Variants in KRT9 observed in about 807,000 individuals in gnomAD.
KRT9 encodes the protein keratin 9, also known as keratin, type I cytoskeletal 9.
In KRT9, 34 loss-of-function variants were observed where a neutral mutation model predicts 51.4. That is an observed-to-expected ratio of 0.66 (90% CI 0.50 to 0.88). The LOEUF is 0.88. Ranked by LOEUF, KRT9 falls within the 40% of genes least tolerant of loss-of-function variation. The pLI, the probability that KRT9 is intolerant of heterozygous loss-of-function variation, is 0.00. For missense variants in KRT9, 753 were observed against 790.3 expected (o/e 0.95, Z 0.57); for synonymous variants, 292 against 289.7 (o/e 1.01, Z -0.08).
Position 41,567,252 on chromosome 17 carries a change from A to T in KRT9, c.*21T>A. Reference sequence around the variant, plus strand: ...CCTTACCTTTTGTCTCATCTTGGTCACCAGATTTTGAGGAAGAAGACTAGG... The same window carrying T: ...CCTTACCTTTTGTCTCATCTTGGTCTCCAGATTTTGAGGAAGAAGACTAGG... On this transcript the variant is annotated 3_prime_UTR_variant, in exon 7 of 8. Coordinates refer to ENST00000246662, the MANE Select transcript of KRT9 (RefSeq NM_000226.4). The T allele has an allele frequency of 1.2e-6, 2 of 1,613,502 alleles. No individual in the cohort carries two copies. The highest frequency in any genetic ancestry group is 1.7e-6 in the Non-Finnish European group (2 of 1,179,972).
Position 41,571,335 on chromosome 17 carries a change from A to G in KRT9, c.642+16T>C. On this transcript the variant is annotated intron_variant, in intron 1 of 7. Transcript: ENST00000246662. ...AAGAGAAAGAGACCAAGACAGAGAC[A>G]GTTTCCTGCACCTACCTGGTCCTTG... 1.2e-6 allele frequency: 2 copies of G among 1,604,750 alleles called. No individual in the cohort carries two copies. Among genetic ancestry groups the G allele is most frequent in the Non-Finnish European group, 1.7e-6 (2 of 1,171,430 alleles).
intron 4 of KRT9, 130 bp downstream of exon 4, chr17:41,569,296 T>G: frequency 1.1e-6 from 1 of 942,886 alleles, no homozygotes; most frequent in Non-Finnish European, 1.7e-6. Flanking sequence ...TGACTTCCAT[T>G]GGAAGATGGA....
chr17:41,571,911 T>TGCTGCCCCC lies in KRT9; in HGVS notation c.73_81dup (p.Gly25_Ser27dup). 6.3e-7 allele frequency: 1 copy of TGCTGCCCCC among 1,598,946 alleles called. No individual in the cohort carries two copies. Among genetic ancestry groups the TGCTGCCCCC allele is most frequent in the Non-Finnish European group, 8.5e-7 (1 of 1,173,286 alleles). On this transcript the variant is annotated inframe_insertion, in exon 1 of 8. Transcript: ENST00000246662. ...CTGAAGCGGCTGTAGGAAGACCTTA[T>TGCTGCCCCC]GCTGCCCCCGCTGCCCAGGCCGCCC... is the stretch of plus-strand genomic sequence containing the variant.
In KRT9 at chr17:41,568,401, A is replaced by C; in HGVS notation, c.1171-16T>G. The C allele has an allele frequency of 6.2e-7, 1 of 1,614,034 alleles. No homozygotes were observed. On this transcript the variant is annotated splice_polypyrimidine_tract_variant and intron_variant, in intron 5 of 7. Transcript: ENST00000246662. ...GAGCTGCTTTCTAAGGGTTAGGAGA[A>C]GGCTTTAAGAGGGATGCTACATCAT...
In KRT9 at chr17:41,569,594, G is replaced by A. The variant is rs372217282; in HGVS notation, c.883-7C>T. 2 of 1,613,258 alleles carry A rather than the reference G, an allele frequency of 1.2e-6. No homozygotes were observed. ...CAGTCAGCTGACTCATCTCCTGCCA[G>A]GGAAGAAGGGGAGATGAGGTCACGG... On this transcript the variant is annotated splice_polypyrimidine_tract_variant and splice_region_variant and intron_variant, in intron 3 of 7. Coordinates refer to ENST00000246662, the MANE Select transcript of KRT9 (RefSeq NM_000226.4).
chr17:41,566,745 A>G (rs2144566508), intron 7 of KRT9, among the ~76,000 whole-genome samples: 1 of 152,340 alleles, frequency 6.6e-6, no homozygotes, highest in East Asian at 1.9e-4. Context: ...TGCATCATGT[A>G]ATACTTGTGC....
Position 41,568,650 on chromosome 17 carries a change from T to G in KRT9, c.1045-17A>C. 6.2e-7 allele frequency: 1 copy of G among 1,613,996 alleles called. No individual in the cohort carries two copies. The highest frequency in any genetic ancestry group is 8.5e-7 in the Non-Finnish European group (1 of 1,179,994). On this transcript the variant is annotated splice_polypyrimidine_tract_variant and intron_variant, in intron 4 of 7. Coordinates refer to ENST00000246662, the MANE Select transcript of KRT9 (RefSeq NM_000226.4). The stretch of plus-strand genomic sequence containing the variant: ...CTGGGTTATCTGCAAAACCAAAGGC[T>G]CAGTAAGCATCAGGCTGTGCCAGGA...
chr17:41,570,484 G>T (rs558595187), intron 1 of KRT9, among the ~76,000 whole-genome samples: 1 of 152,200 alleles, frequency 6.6e-6, no homozygotes, highest in African/African-American at 2.4e-5. Flanking sequence ...CTGACATCCT[G>T]TTCCTCAGGG....
At position 41,570,178 on chromosome 17, in the gene KRT9, T is replaced by G; in HGVS notation, c.685A>C (p.Ile229Leu). The G allele has an allele frequency of 6.2e-7, 1 of 1,614,050 alleles. No homozygotes were observed. Among genetic ancestry groups the G allele is most frequent in the Non-Finnish European group, 8.5e-7 (1 of 1,179,996 alleles). The change falls in exon 2 of 8, where the codon ATT becomes CTT. Residue 229 changes from isoleucine (I) to leucine (L), a missense_variant. Around this residue, in one of 3 missense-constraint regions of KRT9, gnomAD observed 507 missense variants for 563.7 expected, o/e 0.90. Transcript: ENST00000246662. ...TCCAGTGTCATGCGAGTGTTGTCAA[T>G]GTCCAGGAGAGTTTTGTTGTTGCCC... ...TVGNNKTLLD[I>L]DNTRMTLDDF... is the part of the protein sequence containing the mutation.
At chr17:41,571,006 A>C (rs887131602) in intron 1 of KRT9, among the ~76,000 whole-genome samples, 2 of 152,248 alleles carry the variant, frequency 1.3e-5, no homozygotes, top group African/African-American at 4.8e-5. Flanking sequence ...ACTCCTAAAG[A>C]AGCCCAGGAG....
At chr17:41,571,207 A>G in intron 1 of KRT9, 144 bp downstream of exon 1, 1 of 839,174 alleles carries the variant, frequency 1.2e-6, no homozygotes, top group Non-Finnish European at 2.0e-6. Flanking sequence ...ACCAAACACA[A>G]GTTTGTTTCT....
intron 3 of KRT9, 26 bp from the exon 4 acceptor site, chr17:41,569,613 GT>G (rs755169691): frequency 6.2e-7 from 1 of 1,612,604 alleles, no homozygotes; most frequent in Non-Finnish European, 8.5e-7. Flanking sequence ...GGGAGATGAG[GT>G]CACGGATAAA....
In KRT9 at chr17:41,569,500, T is replaced by C; in HGVS notation, c.970A>G (p.Asn324Asp). The C allele has an allele frequency of 6.2e-7, 1 of 1,614,180 alleles. No homozygotes were observed. The highest frequency in any genetic ancestry group is 8.5e-7 in the Non-Finnish European group (1 of 1,180,018). The change falls in exon 4 of 8, where the codon AAT (asparagine) becomes GAT (aspartate). Residue 324 changes from asparagine (N) to aspartate (D), a missense_variant. Around this residue, in one of 3 missense-constraint regions of KRT9, gnomAD observed 507 missense variants for 563.7 expected, o/e 0.90. Transcript: ENST00000246662. The part of the protein sequence containing the change: ...APGKDLTKTL[N>D]DMRQEYEQLI... ...TGCTCATACTCCTGACGCATGTCATTGAGGGTCTTGGTGAGATCTTTGCCA... is the reference window on the plus strand; with the variant it reads ...TGCTCATACTCCTGACGCATGTCATCGAGGGTCTTGGTGAGATCTTTGCCA...
chr17:41,567,804 A>T, intron 6 of KRT9, 54 bp from the exon 7 acceptor site: 1 of 1,611,102 alleles, frequency 6.2e-7, no homozygotes, highest in Non-Finnish European at 8.5e-7. Context: ...ATACACATAT[A>T]TGAGGATGGA....
At chr17:41,567,841 G>A in intron 6 of KRT9, 91 bp from the exon 7 acceptor site, 1 of 1,585,316 alleles carries the variant, frequency 6.3e-7, no homozygotes, top group Admixed American at 1.7e-5. Flanking sequence ...ACCCAAACAT[G>A]AATCTTTCTG....
chr17:41,569,350 G>T, intron 4 of KRT9, 76 bp downstream of exon 4: 1 of 1,405,636 alleles, frequency 7.1e-7, no homozygotes, highest in Non-Finnish European at 9.9e-7. Flanking sequence ...GGAGGATGAA[G>T]GAATGGGAGG....
chr17:41,569,705 C>A, intron 3 of KRT9, 118 bp from the exon 4 acceptor site: 1 of 1,479,658 alleles, frequency 6.8e-7, no homozygotes, highest in Non-Finnish European at 9.4e-7. Context: ...AGCCAAAGCC[C>A]AACCACTACC....
intron 7 of KRT9, among the ~76,000 whole-genome samples, 183 bp from the exon 8 acceptor site, chr17:41,566,335 G>C (rs1478155470): frequency 6.6e-6 from 1 of 152,184 alleles, no homozygotes; most frequent in Non-Finnish European, 1.5e-5. Context: ...TCTAATTCCT[G>C]AATCTCTGTT....
In KRT9 at chr17:41,569,875, T is replaced by A; in HGVS notation, c.866A>T (p.Lys289Met). Residue 289 changes from lysine (K) to methionine (M), a missense_variant, in exon 3 of 8, where the codon AAG becomes ATG. By Grantham distance (95) the Lys-to-Met change is moderately conservative. Transcript: ENST00000246662. ...ETLQEELMAL[K>M]KNHKEEMSQL... ...GCAACCTACCTCCTTATGATTCTTCTTGAGGGCCATCAGCTCCTCCTGCAG... is the reference window on the plus strand; with the variant it reads ...GCAACCTACCTCCTTATGATTCTTCATGAGGGCCATCAGCTCCTCCTGCAG... The A allele has an allele frequency of 6.2e-7, 1 of 1,614,188 alleles. No homozygotes were observed. Among genetic ancestry groups the A allele is most frequent in the Non-Finnish European group, 8.5e-7 (1 of 1,180,042 alleles).
Sources: gnomAD v4.1 joint callset for allele counts (sites outside exome capture counted in the v4.1 genomes callset) on GRCh38, gnomAD v4.1.1 for gene constraint, gnomAD v4.1.1 regional missense constraint, MANE v1.5 for transcripts, NCBI Gene and HGNC (gene_info 2026-07-23, HGNC 2026-07-21) for gene names.